The following GNAQ variants were observed in gnomAD, a reference collection of about 807,000 sequenced individuals.
The protein encoded by GNAQ is guanine nucleotide-binding protein G(q) subunit alpha.
GNAQ carries 8 observed loss-of-function variants against 43.9 expected under a neutral mutation model. The observed-to-expected ratio is 0.18, with a 90% CI of 0.11 to 0.33. The LOEUF (loss-of-function observed/expected upper bound fraction) is 0.33, where lower values mean the gene tolerates loss of function less well. Among genes scored for constraint, GNAQ ranks in the 10% least tolerant of loss-of-function variants. The probability of loss-of-function intolerance (pLI) is 1.00; values close to 1 mark genes in which losing one functional copy is unlikely to be tolerated. For synonymous variants in GNAQ, 155 were observed against 170.7 expected (o/e 0.91, Z 0.71); for missense variants, 158 against 450.8 (o/e 0.35, Z 5.88).
intron 2 of GNAQ, among the ~76,000 whole-genome samples, chr9:77,818,044 CTTG>C (rs1316866985): frequency 6.6e-6 from 1 of 152,076 alleles, no homozygotes; most frequent in Non-Finnish European, 1.5e-5. Flanking sequence ...AAAAAACTGT[CTTG>C]TGAGAAAGTT....
At chr9:77,983,003 AG>A (rs1373803253) in intron 1 of GNAQ, among the ~76,000 whole-genome samples, 2 of 152,216 alleles carry the variant, frequency 1.3e-5, no homozygotes, top group Non-Finnish European at 2.9e-5. Context: ...CTTTTTTAGA[AG>A]AACCATAACA....
At chr9:77,969,804 G>T (rs529570135) in intron 1 of GNAQ, among the ~76,000 whole-genome samples, 32 of 152,268 alleles carry the variant, frequency 2.1e-4, no homozygotes, top group African/African-American at 6.7e-4. Flanking sequence ...CCTACTAAAT[G>T]TAAGGCAAAA....
At chr9:77,920,926 T>C (rs1319829676) in intron 2 of GNAQ, among the ~76,000 whole-genome samples, 1 of 152,198 alleles carries the variant, frequency 6.6e-6, no homozygotes, top group Admixed American at 6.5e-5. Context: ...GTATACAGAA[T>C]TGCCTTATTT....
intron 2 of GNAQ, among the ~76,000 whole-genome samples, chr9:77,880,842 C>G (rs911402941): frequency 6.6e-6 from 1 of 152,078 alleles, no homozygotes; most frequent in African/African-American, 2.4e-5. Context: ...GGACATGCTT[C>G]CCAGGGTCTG....
At chr9:78,028,090 GC>G (rs1307703345) in intron 1 of GNAQ, among the ~76,000 whole-genome samples, 5 of 152,080 alleles carry the variant, frequency 3.3e-5, no homozygotes, top group Admixed American at 2.0e-4. Flanking sequence ...GAAAATATGT[GC>G]TTTATACCTA....
chr9:77,801,754 C>T (rs928893947), intron 3 of GNAQ, among the ~76,000 whole-genome samples: 1 of 152,078 alleles, frequency 6.6e-6, no homozygotes, highest in Non-Finnish European at 1.5e-5. Flanking sequence ...CAAAGAAAAA[C>T]AACAAAACCT....
At chr9:77,880,077 T>C (rs1828185589) in intron 2 of GNAQ, among the ~76,000 whole-genome samples, 1 of 152,194 alleles carries the variant, frequency 6.6e-6, no homozygotes, top group African/African-American at 2.4e-5. Context: ...TCATAATTGA[T>C]GGTATTTAGA....
chr9:77,750,552 T>G (rs1825796891), intron 5 of GNAQ, among the ~76,000 whole-genome samples: 1 of 152,198 alleles, frequency 6.6e-6, no homozygotes, highest in African/African-American at 2.4e-5. Context: ...CCTCATAACC[T>G]CCATTCCAGC....
chr9:77,965,259 C>T (rs78205330), intron 1 of GNAQ, among the ~76,000 whole-genome samples: 3,015 of 152,190 alleles, frequency 0.02, 103 homozygotes, highest in African/African-American at 0.069. Flanking sequence ...AGAATCCTCA[C>T]GAATCAACCC....
chr9:77,924,911 T>C (rs1320592440), intron 1 of GNAQ, among the ~76,000 whole-genome samples: 1 of 151,976 alleles, frequency 6.6e-6, no homozygotes, highest in Non-Finnish European at 1.5e-5. Context: ...CTTTGTTATA[T>C]TCTGTCTTCT....
At chr9:77,927,578 A>C (rs1215489217) in intron 1 of GNAQ, among the ~76,000 whole-genome samples, 1 of 151,924 alleles carries the variant, frequency 6.6e-6, no homozygotes, top group Non-Finnish European at 1.5e-5. Flanking sequence ...TACTCTGAAG[A>C]AAAAAAAGGG....
At chr9:77,962,892 CAAAAAAAAAAAAAA>C (rs538653191) in intron 1 of GNAQ, among the ~76,000 whole-genome samples, 1 of 55,240 alleles carries the variant, frequency 1.8e-5, no homozygotes, top group Non-Finnish European at 3.7e-5. Context: ...AACTTAGTCT[CAAAAAAAAAAAAAA>C]AAAAAAAAAC....
chr9:77,838,505 G>C (rs1827430580), intron 2 of GNAQ, among the ~76,000 whole-genome samples: 1 of 151,924 alleles, frequency 6.6e-6, no homozygotes, highest in Non-Finnish European at 1.5e-5. Flanking sequence ...AAATCTGTGT[G>C]CCCAAACAAT....
At chr9:77,881,019 A>G (rs1828199153) in intron 2 of GNAQ, among the ~76,000 whole-genome samples, 1 of 152,126 alleles carries the variant, frequency 6.6e-6, no homozygotes. Context: ...TCACCATAGG[A>G]GTTAGCATGC....
chr9:77,733,773 G>A (rs1825532251), intron 5 of GNAQ, among the ~76,000 whole-genome samples: 1 of 152,214 alleles, frequency 6.6e-6, no homozygotes, highest in South Asian at 2.1e-4. Flanking sequence ...CCACATGGTA[G>A]GCCCAAAGCA....
chr9:77,794,699 C>A (rs561310508), intron 4 of GNAQ, 107 bp from the exon 5 acceptor site: 2 of 569,808 alleles, frequency 3.5e-6, no homozygotes, highest in South Asian at 5.7e-5. Flanking sequence ...TCTTGAATGA[C>A]GATGATCATC....
chr9:77,869,614 C>A (rs946833126), intron 2 of GNAQ, among the ~76,000 whole-genome samples: 1 of 152,192 alleles, frequency 6.6e-6, no homozygotes, highest in Admixed American at 6.5e-5. Flanking sequence ...TAGAAAAATT[C>A]GTAGCTAGTC....
At chr9:77,758,988 T>C (rs1054608557) in intron 5 of GNAQ, among the ~76,000 whole-genome samples, 28 of 152,194 alleles carry the variant, frequency 1.8e-4, no homozygotes, top group African/African-American at 6.8e-4. Context: ...AAGCAGCCTA[T>C]TAAACTAAAC....
At chr9:77,956,057 AAT>A (rs1360878964) in intron 1 of GNAQ, among the ~76,000 whole-genome samples, 1 of 152,334 alleles carries the variant, frequency 6.6e-6, no homozygotes, top group East Asian at 1.9e-4. Context: ...TTTTAAAAGA[AAT>A]ATTGTCTTTT....
Sources: gnomAD v4.1 joint callset for allele counts (sites outside exome capture counted in the v4.1 genomes callset) on GRCh38, gnomAD v4.1.1 for gene constraint, MANE v1.5 for transcripts, NCBI Gene and HGNC (gene_info 2026-07-23, HGNC 2026-07-21) for gene names.